The following PRH1 variants were observed in gnomAD, a reference collection of about 807,000 sequenced individuals.
PRH1 encodes proline rich protein HaeIII subfamily 1, also known as salivary acidic proline-rich phosphoprotein 1/2.
In PRH1, 7 loss-of-function variants were observed where a neutral mutation model predicts 7.9. The ratio of observed to expected loss-of-function variants is 0.89; its 90% CI spans 0.50 to 1.67. PRH1 has a LOEUF of 1.67. PRH1 is among the 40% of genes most tolerant of loss of function. PRH1 has a pLI of 0.00. For missense variants in PRH1, 109 were observed against 223.6 expected (o/e 0.49, Z 3.27); for synonymous variants, 45 against 80.8 (o/e 0.56, Z 2.38).
At chr12:10,932,233 A>G (rs981144392) in intron 2 of PRH1, 6 of 438,236 alleles carry the variant, frequency 1.4e-5, no homozygotes, top group Non-Finnish European at 2.3e-5. Context: ...CAGGAAGTGA[A>G]TAAGAAGATG....
chr12:11,115,029 C>A (rs1945692537), intron 1 of PRH1, among the ~76,000 whole-genome samples: 1 of 152,026 alleles, frequency 6.6e-6, no homozygotes, highest in Non-Finnish European at 1.5e-5. Context: ...AACAAAATGA[C>A]AAAAGTAAGT....
rs993569282 is a variant in PRH1, at chr12:11,102,699, A to C, written n.124-55511T>G. Among the ~76,000 whole-genome samples, 9 of 152,352 alleles carry C rather than the reference A, an allele frequency of 5.9e-5. No homozygotes were observed. In the East Asian group the frequency reaches 1.2e-3, roughly 20 times the overall value. ...AAGCCAAAATTGACAAATGGGATCT[A>C]ATTAAAATAAAGAGCTTCTGCACAG... On this transcript the variant is annotated intron_variant and non_coding_transcript_variant, in intron 1 of 4. Transcript: ENST00000541977.
At chr12:11,171,356 C>G in intron 1 of PRH1, 2 of 1,231,782 alleles carry the variant, frequency 1.6e-6, no homozygotes, top group Non-Finnish European at 2.0e-6. Context: ...ACACCTGGCT[C>G]ATGGCCCCCG....
chr12:11,171,589 G>C (rs1173148966), upstream of PRH1: 1 of 1,228,218 alleles, frequency 8.1e-7, no homozygotes, highest in African/African-American at 1.6e-5. Flanking sequence ...AACGGCCTCC[G>C]GGGCCAGCAT....
chr12:11,031,109 T>G, intron 1 of PRH1: 4 of 1,549,840 alleles, frequency 2.6e-6, no homozygotes, highest in Middle Eastern at 1.7e-4. Context: ...TTCTACACTA[T>G]AAAAAGCTGG....
intron 2 of PRH1, chr12:10,909,374 A>G: frequency 9.8e-7 from 1 of 1,021,526 alleles, no homozygotes; most frequent in Non-Finnish European, 1.5e-6. Context: ...CACATCCTTG[A>G]GTGTCCAGTG....
intron 2 of PRH1, among the ~76,000 whole-genome samples, chr12:10,892,475 C>T (rs1430229966): frequency 6.6e-6 from 1 of 151,854 alleles, no homozygotes; most frequent in Non-Finnish European, 1.5e-5. Context: ...AGGGATGACA[C>T]TACCCTTTGA....
intron 2 of PRH1, among the ~76,000 whole-genome samples, chr12:10,945,540 T>A (rs2418223): frequency 0.77 from 117,147 of 152,030 alleles, 46,615 homozygotes; most frequent in East Asian, 0.94. Flanking sequence ...CATGCTTCAC[T>A]AGGTAATAAA....
intron 1 of PRH1, among the ~76,000 whole-genome samples, chr12:11,045,837 T>A (rs1942881443): frequency 6.6e-6 from 1 of 152,112 alleles, no homozygotes; most frequent in Admixed American, 6.5e-5. Flanking sequence ...AATCTTCAGA[T>A]AATTTCTAGT....
At chr12:11,144,878 T>C (rs1276897476) in intron 1 of PRH1, among the ~76,000 whole-genome samples, 1 of 152,172 alleles carries the variant, frequency 6.6e-6, no homozygotes, top group Non-Finnish European at 1.5e-5. Flanking sequence ...CCAGTGGTGG[T>C]GTGTGTTCAG....
Position 10,930,940 on chromosome 12 carries a change from G to A in PRH1, c.-59+42715C>T, listed in dbSNP as rs1950200678. 3.1e-6 allele frequency: 5 copies of A among 1,606,376 alleles called. No individual in the cohort carries two copies. The Admixed American group carries it at 5.1e-5, about 16-fold the overall frequency. ...CCGTCCTCCTCGAGGAAGGCCACAA[G>A]GACCACCCCAACAGGGAGGCCATCA... is the stretch of plus-strand genomic sequence containing the variant. On this transcript the variant is annotated intron_variant, in intron 2 of 3. Transcript: ENST00000539853.
At chr12:10,894,104 T>A (rs10772381) in intron 2 of PRH1, among the ~76,000 whole-genome samples, 1 of 151,848 alleles carries the variant, frequency 6.6e-6, no homozygotes, top group Non-Finnish European at 1.5e-5. Context: ...ATCGTCTTGG[T>A]CTTCTATATT....
At chr12:10,997,302 G>A (rs543688513) in intron 1 of PRH1, 60 of 1,614,102 alleles carry the variant, frequency 3.7e-5, no homozygotes, top group Non-Finnish European at 4.8e-5. Flanking sequence ...AAAGATATCA[G>A]GGTCAGAGTG....
chr12:11,050,330 T>G (rs1163133712), upstream of PRH1, among the ~76,000 whole-genome samples: 1 of 152,200 alleles, frequency 6.6e-6, no homozygotes, highest in Non-Finnish European at 1.5e-5. Flanking sequence ...AAGGGATGGG[T>G]CTGGCGAGTT....
intron 1 of PRH1, among the ~76,000 whole-genome samples, chr12:11,131,880 C>A (rs1946353817): frequency 6.6e-6 from 1 of 152,148 alleles, no homozygotes; most frequent in African/African-American, 2.4e-5. Flanking sequence ...CCATTTTATC[C>A]ACCCATTTAT....
chr12:10,897,363 C>G (rs995570934), intron 2 of PRH1, among the ~76,000 whole-genome samples: 4 of 151,802 alleles, frequency 2.6e-5, no homozygotes, highest in Non-Finnish European at 4.4e-5. Flanking sequence ...TCAGCTCCGC[C>G]TTAGATAAGT....
intron 2 of PRH1, chr12:10,909,311 A>G: frequency 3.2e-6 from 5 of 1,586,204 alleles, no homozygotes; most frequent in Non-Finnish European, 3.5e-6. Flanking sequence ...CAGAACAGAG[A>G]AAGTTCAATG....
At position 10,882,545 on chromosome 12, in the gene PRH1, G is replaced by A. The variant is rs1332483735; in HGVS notation, c.254C>T (p.Pro85Leu). The stretch of plus-strand genomic sequence containing the variant: ...TCCTTGTGGCTTTCCCTGAGGAGGT[G>A]GTGGACCTTGTTGCTGCTGGCCTCC... ...QQGGQQQQGP[P>L]PPQGKPQGPP... Residue 85 changes from proline to leucine, a missense_variant, in exon 3 of 4, where the codon CCA becomes CTA. Physicochemically the swap from Pro to Leu is moderately conservative, Grantham distance 98. Coordinates refer to ENST00000543626, the MANE Select transcript of PRH1 (RefSeq NM_001393989.1). 6.3e-7 allele frequency: 1 copy of A among 1,581,116 alleles called. No individual in the cohort carries two copies. Among genetic ancestry groups the A allele is most frequent in the African/African-American group, 1.4e-5 (1 of 71,382 alleles).
rs71051557 is a variant in PRH1 at position 11,042,623 on chromosome 12, C to CTTTTTTTTTTTTTTTTTTTTTT, written c.-126+4375_-126+4396dup. Among the ~76,000 whole-genome samples, 86 of 79,306 alleles carry CTTTTTTTTTTTTTTTTTTTTTT rather than the reference C, an allele frequency of 1.1e-3. 7 individuals are homozygous for CTTTTTTTTTTTTTTTTTTTTTT. Among genetic ancestry groups the CTTTTTTTTTTTTTTTTTTTTTT allele is most frequent in the Non-Finnish European group, 1.2e-3 (54 of 43,790 alleles). 52.0% of individuals were successfully genotyped at this position (79,306 alleles called of 152,430 possible). A position where few individuals can be genotyped will look rare whatever the true frequency, so the allele number is the denominator to read the frequency against. On this transcript the variant is annotated intron_variant, in intron 1 of 3. Coordinates refer to the PRH1 transcript ENST00000539853. Reference sequence around the variant, plus strand: ...AAGAGGGACTACTTCCAGGCTCATTCTTTTTTTTTTTTTTTTTTTTTTTTG... The same window carrying CTTTTTTTTTTTTTTTTTTTTTT: ...AAGAGGGACTACTTCCAGGCTCATTCTTTTTTTTTTTTTTTTTTTTTTTTTTTTTTTTTTTTTTTTTTTTTTG...
Sources: allele counts gnomAD v4.1 joint callset (sites outside exome capture counted in the v4.1 genomes callset), GRCh38; gene constraint gnomAD v4.1.1; transcripts MANE v1.5; gene names NCBI Gene and HGNC (gene_info 2026-07-23, HGNC 2026-07-21).